GAK: variants seen among roughly 807,000 people sequenced by gnomAD.
GAK encodes the protein cyclin-G-associated kinase.
In GAK, 79 loss-of-function variants were observed where a neutral mutation model predicts 143.9. That is an observed-to-expected ratio of 0.55 (90% CI 0.46 to 0.66). The LOEUF (loss-of-function observed/expected upper bound fraction) is 0.66, where lower values mean the gene tolerates loss of function less well. Among genes scored for constraint, GAK ranks in the 30% least tolerant of loss-of-function variants. The pLI is 0.00. For synonymous variants in GAK, 881 were observed against 765.5 expected, an observed-to-expected ratio of 1.15 and a Z score of -2.49; for missense variants, 1,693 against 1,779.7, an observed-to-expected ratio of 0.95 and a Z score of 0.88.
Position 859,657 on chromosome 4 carries a change from G to A in GAK, c.3232C>T (p.Gln1078Ter). The A allele has an allele frequency of 6.2e-7, 1 of 1,604,350 alleles. No homozygotes were observed. The highest frequency in any genetic ancestry group is 8.5e-7 in the Non-Finnish European group (1 of 1,171,928). The change falls in exon 24 of 28, where the codon CAG becomes TAG. Residue 1078 changes from glutamine to a stop codon, truncating the protein, a stop_gained. Transcript: ENST00000314167. LOFTEE classifies it high-confidence loss of function. The stretch of plus-strand genomic sequence containing the variant: ...AGGTCAGCAAATGGGTCCGGGTTCT[G>A]AGACTTGGTCCAGCTGGCCTGAGAG... ...CGSQASWTKS[Q>*]NPDPFADLGD...
chr4:879,632 A>T (rs2152804063), intron 15 of GAK, among the ~76,000 whole-genome samples: 1 of 152,122 alleles, frequency 6.6e-6, no homozygotes, highest in African/African-American at 2.4e-5. Flanking sequence ...ACCGGTATGC[A>T]CCCGAGTGGG....
chr4:877,100 A>G lies in GAK; in HGVS notation c.1964T>C (p.Leu655Pro). 6.2e-7 allele frequency: 1 copy of G among 1,611,154 alleles called. No individual in the cohort carries two copies. The highest frequency in any genetic ancestry group is 8.5e-7 in the Non-Finnish European group (1 of 1,177,502). The change falls in exon 17 of 28, where the codon CTG (leucine) becomes CCG (proline). Residue 655 changes from leucine (L) to proline (P), a missense_variant. Leu to Pro is a moderately conservative substitution (Grantham distance 98). Coordinates refer to ENST00000314167, the MANE Select transcript of GAK (RefSeq NM_005255.4). ...CACAGGCTCTCTCACCTTGGCCTGC[A>G]GCCGGCCGCCCAGAGTGGACCGGGC... ...YHARSTLGGR[L>P]QAKMASMKMF...
intron 24 of GAK, among the ~76,000 whole-genome samples, chr4:856,688 C>T (rs1749347424): frequency 6.6e-6 from 1 of 152,034 alleles, no homozygotes; most frequent in Non-Finnish European, 1.5e-5. Flanking sequence ...CACCTGCTCA[C>T]CACAGCTGCC....
rs751476632 is a variant in GAK at position 850,009 on chromosome 4, G to C, written c.3717C>G (p.His1239Gln). 4 of 1,608,992 alleles carry C rather than the reference G, an allele frequency of 2.5e-6. No homozygotes were observed. The highest frequency in any genetic ancestry group is 3.4e-6 in the Non-Finnish European group (4 of 1,177,746). The change falls in exon 27 of 28, where the codon CAC (histidine) becomes CAG (glutamine). Residue 1239 changes from histidine to glutamine, a missense_variant. Coordinates refer to ENST00000314167, the MANE Select transcript of GAK (RefSeq NM_005255.4). ...RNIRALLSTL[H>Q]TVLWDGESRW... ...GGCTCTCCCCGTCCCACAGCACTGT[G>C]TGCAGCGTGGACAGCAGGGCCCGGA... is the stretch of plus-strand genomic sequence containing the variant.
chr4:885,234 C>T (rs1377854042), intron 11 of GAK, among the ~76,000 whole-genome samples: 2 of 152,142 alleles, frequency 1.3e-5, no homozygotes, highest in African/African-American at 2.4e-5. Flanking sequence ...GACAAACAGG[C>T]CACACAAAGC....
chr4:874,137 G>A (rs1473935800), intron 18 of GAK, among the ~76,000 whole-genome samples: 3 of 151,798 alleles, frequency 2.0e-5, no homozygotes, highest in Non-Finnish European at 2.9e-5. Flanking sequence ...GTGTGTGTGC[G>A]CGCTGGTGCT....
chr4:861,248 T>C (rs768728963), intron 23 of GAK, among the ~76,000 whole-genome samples: 1 of 152,054 alleles, frequency 6.6e-6, no homozygotes, highest in Non-Finnish European at 1.5e-5. Context: ...AGTGTCTCAC[T>C]TGAAATCAAA....
intron 4 of GAK, among the ~76,000 whole-genome samples, chr4:909,263 A>G (rs767189776): frequency 1.4e-4 from 22 of 152,264 alleles, no homozygotes; most frequent in Non-Finnish European, 1.9e-4. Context: ...GACAAATCTT[A>G]ATCCCACTGG....
At chr4:865,329 C>T in intron 22 of GAK, 85 bp from the exon 23 acceptor site, 1 of 1,565,748 alleles carries the variant, frequency 6.4e-7, no homozygotes, top group East Asian at 2.2e-5. Context: ...TGCTCAGGGC[C>T]CTAGGAGCGG....
At position 867,121 on chromosome 4, in the gene GAK, C is replaced by A; in HGVS notation, c.2707G>T (p.Ala903Ser). The A allele has an allele frequency of 1.3e-6, 2 of 1,579,424 alleles. No individual in the cohort carries two copies. Among genetic ancestry groups the A allele is most frequent in the Non-Finnish European group, 8.6e-7 (1 of 1,159,716 alleles). Residue 903 changes from alanine (A) to serine (S), a missense_variant, in exon 21 of 28, where the codon GCC (alanine) becomes TCC (serine). By Grantham distance (99) the Ala-to-Ser change is moderately conservative. Coordinates refer to ENST00000314167, the MANE Select transcript of GAK (RefSeq NM_005255.4). ...AGCAGGTCGGTGTTGCTGGAGGGGG[C>A]CTTGCAGGCCTGCGGGGGTACAGCT... is the stretch of plus-strand genomic sequence containing the variant. The part of the protein sequence containing the change: ...GPAVPPQACK[A>S]PSSNTDLLSC...
chr4:926,613 T>G (rs1724792342), intron 1 of GAK, among the ~76,000 whole-genome samples: 1 of 152,194 alleles, frequency 6.6e-6, no homozygotes, highest in Non-Finnish European at 1.5e-5. Context: ...CCCTAAGGGT[T>G]GCTGTGGTGG....
intron 1 of GAK, among the ~76,000 whole-genome samples, chr4:924,563 C>CA (rs1724387455): frequency 3.9e-5 from 6 of 151,974 alleles, no homozygotes; most frequent in African/African-American, 1.5e-4. Context: ...TTCATAACAG[C>CA]GGACACGGTT....
intron 1 of GAK, among the ~76,000 whole-genome samples, chr4:926,346 C>T (rs1235740089): frequency 1.3e-5 from 2 of 152,200 alleles, no homozygotes; most frequent in African/African-American, 4.8e-5. Context: ...CCTCTACTAC[C>T]TTATATGCTC....
In GAK at chr4:870,743, C is replaced by A; in HGVS notation, c.2216G>T (p.Arg739Leu). Residue 739 changes from arginine (R) to leucine (L), a missense_variant, in exon 19 of 28, where the codon CGG becomes CTG. This residue lies in a region of GAK where 822 missense variants were observed against 788.7 expected (regional missense o/e 1.04). Coordinates refer to ENST00000314167, the MANE Select transcript of GAK (RefSeq NM_005255.4). Reference sequence around the variant, plus strand: ...AGACAGAATGTCTTGCTGCTCCTCCCGGCTGGAAAACAGGATTTTGGGGTT... The same window carrying A: ...AGACAGAATGTCTTGCTGCTCCTCCAGGCTGGAAAACAGGATTTTGGGGTT... ...GLNPKILFSS[R>L]EEQQDILSKF... is the part of the protein sequence containing the mutation. 2 of 1,613,934 alleles carry A rather than the reference C, an allele frequency of 1.2e-6. No individual in the cohort carries two copies. The highest frequency in any genetic ancestry group is 1.3e-5 in the African/African-American group (1 of 75,060).
At chr4:928,015 T>C (rs1577343877) in intron 1 of GAK, among the ~76,000 whole-genome samples, 1 of 152,098 alleles carries the variant, frequency 6.6e-6, no homozygotes, top group Non-Finnish European at 1.5e-5. Context: ...AAGTCCTATG[T>C]GGGAAGAGGG....
chr4:877,935 C>T (rs1714308725), intron 15 of GAK, 126 bp from the exon 16 acceptor site: 3 of 687,004 alleles, frequency 4.4e-6, no homozygotes, highest in East Asian at 2.9e-5. Context: ...TTAGTTGCTC[C>T]TAACAAATCT....
At chr4:859,223 C>T (rs1354791344) in intron 24 of GAK, 3 of 1,188,030 alleles carry the variant, frequency 2.5e-6, no homozygotes, top group South Asian at 3.1e-5. Context: ...AGGGTGGGCT[C>T]GGTTCTTGTG....
intron 15 of GAK, among the ~76,000 whole-genome samples, chr4:881,563 C>T (rs1339330325): frequency 2.0e-5 from 3 of 152,170 alleles, no homozygotes; most frequent in Non-Finnish European, 4.4e-5. Flanking sequence ...GCGTCAGGTG[C>T]TCCACACGGC....
rs1748313800 is a variant in GAK, at chr4:852,335, C to T, written c.3284-361G>A. The T allele has an allele frequency of 8.4e-6, 3 of 358,188 alleles. No homozygotes were observed. The South Asian group carries it at 9.5e-5, about 11-fold the overall frequency. 22.2% of individuals were successfully genotyped at this position (358,188 alleles called of 1,614,324 possible). A position where few individuals can be genotyped will look rare whatever the true frequency, so the allele number is the denominator to read the frequency against. ...GAGCCAAGGCAGACCCGGGGCTTGT[C>T]CACGGGGGTTGGGGCAGTGTCCCCA... On this transcript the variant is annotated intron_variant, in intron 24 of 27. Transcript: ENST00000314167.
Sources: gnomAD v4.1 joint callset for allele counts (sites outside exome capture counted in the v4.1 genomes callset) on GRCh38, gnomAD v4.1.1 for gene constraint, gnomAD v4.1.1 regional missense constraint, MANE v1.5 for transcripts, NCBI Gene and HGNC (gene_info 2026-07-23, HGNC 2026-07-21) for gene names.